SMAD3: variants seen among roughly 807,000 people sequenced by gnomAD.
The protein encoded by SMAD3 is MAD homolog 3.
Under a neutral mutation model 51.8 loss-of-function variants are expected in SMAD3, and 12 were observed. That is an observed-to-expected ratio of 0.23 (90% CI 0.15 to 0.38). The LOEUF is 0.38. SMAD3 is among the 10% of genes least tolerant of loss of function. The pLI is 1.00. For missense variants in SMAD3, 294 were observed against 565.6 expected, an observed-to-expected ratio of 0.52 and a Z score of 4.87; for synonymous variants, 238 against 227.7, an observed-to-expected ratio of 1.05 and a Z score of -0.41.
At chr15:67,182,611 G>T (rs1167426634) in intron 6 of SMAD3, among the ~76,000 whole-genome samples, 1 of 151,940 alleles carries the variant, frequency 6.6e-6, no homozygotes, top group African/African-American at 2.4e-5. Flanking sequence ...GATTGATTCT[G>T]TAGTGAAGAG....
At chr15:67,147,145 T>C (rs1961999905) in intron 1 of SMAD3, among the ~76,000 whole-genome samples, 2 of 152,138 alleles carry the variant, frequency 1.3e-5, no homozygotes, top group Non-Finnish European at 2.9e-5. Flanking sequence ...TGTGTGGTGT[T>C]CTGAGAGTAG....
chr15:67,107,064 C>A (rs1374099475), intron 1 of SMAD3, among the ~76,000 whole-genome samples: 1 of 151,972 alleles, frequency 6.6e-6, no homozygotes, highest in African/African-American at 2.4e-5. Flanking sequence ...CCTGACTTCC[C>A]AAGCCTTAGT....
chr15:67,166,434 A>T (rs1962590670), intron 3 of SMAD3: 1 of 438,018 alleles, frequency 2.3e-6, no homozygotes. Flanking sequence ...GAAAGGGGTG[A>T]GGCGGAGGCA....
At position 67,112,154 on chromosome 15, in the gene SMAD3, C is replaced by CT. The variant is rs753530213; in HGVS notation, c.206+45806dup. ...TTAGCCATTTCTTTTTTTTTCTTTC[C>CT]TTTTTTTTTTTTGAGACAGAGTTTT... On this transcript the variant is annotated intron_variant, in intron 1 of 8. Coordinates refer to ENST00000327367, the MANE Select transcript of SMAD3 (RefSeq NM_005902.4). Among the ~76,000 whole-genome samples, 25 of 90,426 alleles carry CT rather than the reference C, an allele frequency of 2.8e-4. 1 individual carries two copies. The highest frequency in any genetic ancestry group is 1.3e-3 in the African/African-American group (25 of 19,840). 59.3% of individuals were successfully genotyped at this position (90,426 alleles called of 152,430 possible).
intron 1 of SMAD3, among the ~76,000 whole-genome samples, chr15:67,159,908 C>T (rs952071382): frequency 1.1e-4 from 17 of 152,196 alleles, no homozygotes; most frequent in African/African-American, 3.9e-4. Flanking sequence ...TATGTTATGG[C>T]TCATTCATCT....
intron 1 of SMAD3, among the ~76,000 whole-genome samples, chr15:67,115,196 C>T (rs1355511214): frequency 6.6e-6 from 1 of 152,136 alleles, no homozygotes; most frequent in Admixed American, 6.5e-5. Context: ...ATGCCATGAG[C>T]ACTTCCAGGA....
chr15:67,176,320 AG>A (rs1962892947), intron 5 of SMAD3, among the ~76,000 whole-genome samples: 1 of 152,148 alleles, frequency 6.6e-6, no homozygotes, highest in Non-Finnish European at 1.5e-5. Flanking sequence ...GTCCAGGCAG[AG>A]GACCCAGGCA....
rs540104434 is a variant in SMAD3, at chr15:67,143,103, A to G, written c.207-21792A>G. The G allele has an allele frequency of 8.2e-4, 175 of 213,054 alleles. 4 individuals carry two copies. Among genetic ancestry groups the G allele is most frequent in the South Asian group, 4.0e-3 (81 of 20,042 alleles). The allele number at this position is 213,054 out of a possible 1,614,324, so 13.2% of individuals were successfully genotyped here. A position where few individuals can be genotyped will look rare whatever the true frequency, so the allele number is the denominator to read the frequency against. On this transcript the variant is annotated intron_variant, in intron 1 of 8. Coordinates refer to ENST00000327367, the MANE Select transcript of SMAD3 (RefSeq NM_005902.4). ...ATGCTTTGCCTGTCAAGGTTTTTCAATGATGAATAGTTGTTATGAGCATGT... is the reference window on the plus strand; with the variant it reads ...ATGCTTTGCCTGTCAAGGTTTTTCAGTGATGAATAGTTGTTATGAGCATGT...
At chr15:67,119,415 G>A (rs1480598852) in intron 1 of SMAD3, among the ~76,000 whole-genome samples, 2 of 152,080 alleles carry the variant, frequency 1.3e-5, no homozygotes, top group African/African-American at 4.8e-5. Flanking sequence ...CAGAGAGCTG[G>A]GTTATTCTTG....
Position 67,066,038 on chromosome 15 carries a change from G to T in SMAD3, c.-117G>T. The T allele has an allele frequency of 1.9e-6, 1 of 532,154 alleles. No homozygotes were observed. Among genetic ancestry groups the T allele is most frequent in the South Asian group, 4.9e-5 (1 of 20,264 alleles). 33.0% of individuals were successfully genotyped at this position (532,154 alleles called of 1,614,324 possible). A position where few individuals can be genotyped will look rare whatever the true frequency, so the allele number is the denominator to read the frequency against. On this transcript the variant is annotated 5_prime_UTR_variant, in exon 1 of 9. The change creates a new upstream start codon in the 5' untranslated region. Transcript: ENST00000327367. The stretch of plus-strand genomic sequence containing the variant: ...CCCCGGCAACTTCGCCGAGAGTTGA[G>T]GCGAAGTTTGGGCGACCGCGGCAGG...
At chr15:67,135,500 C>T (rs1031681495) in intron 1 of SMAD3, among the ~76,000 whole-genome samples, 6 of 152,098 alleles carry the variant, frequency 3.9e-5, no homozygotes, top group East Asian at 1.9e-4. Context: ...CCAAGTAGGC[C>T]CTCTCTAAAT....
chr15:67,190,633 A>T lies in SMAD3; in HGVS notation c.*97A>T. 7.4e-7 allele frequency: 1 copy of T among 1,350,848 alleles called. No homozygotes were observed. The highest frequency in any genetic ancestry group is 1.0e-6 in the Non-Finnish European group (1 of 955,716). The allele number at this position is 1,350,848 out of a possible 1,614,324, so 83.7% of individuals were successfully genotyped here. On this transcript the variant is annotated 3_prime_UTR_variant, in exon 9 of 9. Transcript: ENST00000327367. Reference sequence around the variant, plus strand: ...TCTACTCAACCCATTGTTGTCAAGGAAGAAGAAATCTTTCTCCCTCAACTG... The same window carrying T: ...TCTACTCAACCCATTGTTGTCAAGGTAGAAGAAATCTTTCTCCCTCAACTG...
chr15:67,142,995 C>T (rs553941566), intron 1 of SMAD3: 19 of 267,744 alleles, frequency 7.1e-5, no homozygotes, highest in East Asian at 2.7e-4. Context: ...CCAGGCCAGA[C>T]GTCCTTGCTG....
At chr15:67,085,881 C>T (rs1960379272) in intron 1 of SMAD3, among the ~76,000 whole-genome samples, 3 of 83,358 alleles carry the variant, frequency 3.6e-5, no homozygotes, top group African/African-American at 1.2e-4. Flanking sequence ...CACACACACA[C>T]ACACACACAC....
rs116306434 is a variant in SMAD3 at position 67,102,601 on chromosome 15, C to T, written c.206+36241C>T. Among the ~76,000 whole-genome samples the T allele has an allele frequency of 4.5e-3, 687 of 151,616 alleles. 6 individuals carry two copies. The highest frequency in any genetic ancestry group is 0.016 in the African/African-American group (658 of 41,308). On this transcript the variant is annotated intron_variant, in intron 1 of 8. Coordinates refer to ENST00000327367, the MANE Select transcript of SMAD3 (RefSeq NM_005902.4). ...GGATGACCTGTGTGTATAGACTTGT[C>T]CTGGGTGAGATGGGAGCAAGACCAT...
intron 1 of SMAD3, chr15:67,143,063 G>T (rs1961876154): frequency 4.6e-6 from 1 of 216,990 alleles, no homozygotes. Flanking sequence ...TTGAAATTCG[G>T]TGACCCACCT....
chr15:67,114,700 C>G (rs1050205432), intron 1 of SMAD3, among the ~76,000 whole-genome samples: 3 of 152,140 alleles, frequency 2.0e-5, no homozygotes, highest in Admixed American at 2.0e-4. Flanking sequence ...CTTCATCCTC[C>G]CCTCCTTCCA....
intron 5 of SMAD3, among the ~76,000 whole-genome samples, chr15:67,178,296 G>A (rs1430327092): frequency 6.6e-6 from 1 of 152,114 alleles, no homozygotes; most frequent in African/African-American, 2.4e-5. Context: ...TTTGAATGGT[G>A]GGCTGGGTTG....
intron 1 of SMAD3, among the ~76,000 whole-genome samples, chr15:67,098,208 A>G (rs917942459): frequency 2.6e-5 from 4 of 152,124 alleles, no homozygotes; most frequent in Non-Finnish European, 5.9e-5. Context: ...AGAGACTCCA[A>G]GAAGCAGTTA....
Sources: allele counts gnomAD v4.1 joint callset (sites outside exome capture counted in the v4.1 genomes callset), GRCh38; gene constraint gnomAD v4.1.1; transcripts MANE v1.5; gene names NCBI Gene and HGNC (gene_info 2026-07-23, HGNC 2026-07-21).